The following KDM3A variants were observed in gnomAD, a reference collection of about 807,000 sequenced individuals.
KDM3A encodes lysine demethylase 3A, also known as lysine-specific demethylase 3A.
A neutral mutation model predicts 158.0 loss-of-function variants in KDM3A; 60 were observed. That is an observed-to-expected ratio of 0.38 (90% CI 0.31 to 0.47). KDM3A has a LOEUF of 0.47. KDM3A is among the 20% of genes least tolerant of loss of function. The pLI is 0.99. For synonymous variants in KDM3A, 608 were observed against 549.3 expected (o/e 1.11, Z -1.49); for missense variants, 1,319 against 1,574.3 (o/e 0.84, Z 2.74).
intron 23 of KDM3A, chr2:86,490,570 T>C (rs986789183): frequency 2.0e-5 from 4 of 198,486 alleles, no homozygotes; most frequent in Admixed American, 5.5e-5. Flanking sequence ...AACAAGTTCA[T>C]TTATAAGGAT....
chr2:86,470,507 A>G (rs1573182761), intron 11 of KDM3A, 99 bp downstream of exon 11: 6 of 977,882 alleles, frequency 6.1e-6, no homozygotes. Flanking sequence ...GTAAATCTAG[A>G]AGTAAAAAGG....
chr2:86,454,394 G>T (rs1672600221), intron 4 of KDM3A, among the ~76,000 whole-genome samples: 1 of 152,040 alleles, frequency 6.6e-6, no homozygotes, highest in African/African-American at 2.4e-5. Flanking sequence ...TTACTAATGG[G>T]AATATGGAAA....
At chr2:86,437,860 T>G (rs567308646), upstream of KDM3A, among the ~76,000 whole-genome samples, 3 of 152,306 alleles carry the variant, frequency 2.0e-5, 1 homozygote, top group Middle Eastern at 6.8e-3. Flanking sequence ...TTTTATTGCA[T>G]TATCTTTTTG....
rs1673333410 is a variant in KDM3A at position 86,470,143 on chromosome 2, A to G, written c.1520-61A>G. 6.0e-6 allele frequency: 8 copies of G among 1,337,866 alleles called. 1 individual carries two copies. In the South Asian group the frequency reaches 9.4e-5, roughly 16 times the overall value. 82.9% of individuals were successfully genotyped at this position (1,337,866 alleles called of 1,614,324 possible). A position where few individuals can be genotyped will look rare whatever the true frequency, so the allele number is the denominator to read the frequency against. ...TTGGGTTTTTGAATAGAATTCAGTC[A>G]TATATGAATGTGATTTTTAAAAATT... On this transcript the variant is annotated intron_variant, in intron 10 of 25. Transcript: ENST00000312912.
intron 8 of KDM3A, among the ~76,000 whole-genome samples, chr2:86,457,570 T>C (rs1401950941): frequency 6.6e-6 from 1 of 152,188 alleles, no homozygotes; most frequent in Non-Finnish European, 1.5e-5. Context: ...TGTAAAAAAG[T>C]TTCATTTTTT....
At chr2:86,488,426 C>T (rs1674293421) in intron 21 of KDM3A, 1 of 152,144 alleles carries the variant, frequency 6.6e-6, no homozygotes, top group Non-Finnish European at 1.5e-5. Context: ...ATACCAAACG[C>T]TTTACCTACT....
intron 9 of KDM3A, among the ~76,000 whole-genome samples, chr2:86,465,993 A>G (rs1673129117): frequency 6.6e-6 from 1 of 151,466 alleles, no homozygotes; most frequent in South Asian, 2.1e-4. Context: ...CCCTACACAG[A>G]CTTCTGGTTT....
chr2:86,480,908 T>C (rs1022727523), intron 16 of KDM3A, among the ~76,000 whole-genome samples: 3 of 152,262 alleles, frequency 2.0e-5, no homozygotes, highest in African/African-American at 7.2e-5. Context: ...GATGTAATTC[T>C]GTGATGCCCA....
At chr2:86,445,047 G>A (rs1317564516) in intron 2 of KDM3A, among the ~76,000 whole-genome samples, 1 of 152,008 alleles carries the variant, frequency 6.6e-6, no homozygotes, top group African/African-American at 2.4e-5. Context: ...TACATTTTTA[G>A]TGTCAAAAAC....
At chr2:86,462,616 T>G (rs924665650) in intron 8 of KDM3A, among the ~76,000 whole-genome samples, 3 of 152,178 alleles carry the variant, frequency 2.0e-5, no homozygotes, top group Admixed American at 1.3e-4. Flanking sequence ...GTGTAATATA[T>G]GATCAGATAA....
At chr2:86,456,047 T>A (rs1160021996) in intron 5 of KDM3A, among the ~76,000 whole-genome samples, 1 of 152,032 alleles carries the variant, frequency 6.6e-6, no homozygotes, top group Non-Finnish European at 1.5e-5. Context: ...ATATCAGCCA[T>A]ATAAAATGGA....
rs758070952 is a variant in KDM3A at position 86,470,301 on chromosome 2, C to T, written c.1617C>T (p.Ile539=). The change falls in exon 11 of 26, where the codon ATC becomes ATT. Residue 539 remains isoleucine, a synonymous_variant. Coordinates refer to ENST00000312912, the MANE Select transcript of KDM3A (RefSeq NM_018433.6). ...AFVQDDSCVN[I]VAQLPKCREC... ...TACAGGATGATTCTTGTGTGAACAT[C>T]GTGGCACAGTTGCCTAAATGCCGAG... 5.6e-6 allele frequency: 9 copies of T among 1,613,998 alleles called. No homozygotes were observed. The highest frequency in any genetic ancestry group is 7.6e-6 in the Non-Finnish European group (9 of 1,179,994).
In KDM3A at chr2:86,485,030, G is replaced by GT. The variant is rs1299814925; in HGVS notation, c.3182+2dup. 6.6e-7 allele frequency: 1 copy of GT among 1,526,490 alleles called. No individual in the cohort carries two copies. Among genetic ancestry groups the GT allele is most frequent in the Admixed American group, 1.7e-5 (1 of 59,874 alleles). 94.6% of individuals were successfully genotyped at this position (1,526,490 alleles called of 1,614,324 possible). A position where few individuals can be genotyped will look rare whatever the true frequency, so the allele number is the denominator to read the frequency against. On this transcript the variant is annotated splice_donor_variant, in intron 20 of 25. Coordinates refer to ENST00000312912, the MANE Select transcript of KDM3A (RefSeq NM_018433.6). LOFTEE classifies it high-confidence loss of function. Reference sequence around the variant, plus strand: ...ATTTTAGAGATATGATGCCTTCCAGGTATGATTATGAAGGTGGGGAGAGAT... The same window carrying GT: ...ATTTTAGAGATATGATGCCTTCCAGGTTATGATTATGAAGGTGGGGAGAGAT...
rs61750310 is a variant in KDM3A, at chr2:86,491,237, C to T, written c.3847C>T (p.Leu1283=). The change falls in exon 25 of 26, where the codon CTG becomes TTG. Residue 1283 remains leucine (L), a synonymous_variant. Coordinates refer to ENST00000312912, the MANE Select transcript of KDM3A (RefSeq NM_018433.6). Reference sequence around the variant, plus strand: ...CTGGCTTACTCAGGAATTCCGATATCTGTCACAGACTCATACCAATCACGA... The same window carrying T: ...CTGGCTTACTCAGGAATTCCGATATTTGTCACAGACTCATACCAATCACGA... ...CFWLTQEFRY[L]SQTHTNHEDK... 2.2e-3 allele frequency: 3,629 copies of T among 1,613,764 alleles called. 7 individuals are homozygous for T. Among genetic ancestry groups the T allele is most frequent in the Non-Finnish European group, 2.9e-3 (3,392 of 1,179,712 alleles).
At chr2:86,444,910 CATA>C (rs2104619992) in intron 2 of KDM3A, among the ~76,000 whole-genome samples, 1 of 152,166 alleles carries the variant, frequency 6.6e-6, no homozygotes, top group African/African-American at 2.4e-5. Context: ...AAGGTGAAGA[CATA>C]ATAACAGTGG....
chr2:86,442,348 T>A, intron 2 of KDM3A, 115 bp downstream of exon 2: 2 of 976,924 alleles, frequency 2.0e-6, no homozygotes, highest in Non-Finnish European at 1.5e-6. Flanking sequence ...TGGCATATGA[T>A]CTGAAGGTGC....
At position 86,474,839 on chromosome 2, in the gene KDM3A, C is replaced by T. The variant is rs759247045; in HGVS notation, c.1788C>T (p.Asp596=). The T allele has an allele frequency of 1.2e-6, 2 of 1,612,910 alleles. No homozygotes were observed. Among genetic ancestry groups the T allele is most frequent in the Non-Finnish European group, 1.7e-6 (2 of 1,179,754 alleles). Residue 596 remains aspartate, a synonymous_variant, in exon 12 of 26, where the codon GAC becomes GAT. Coordinates refer to ENST00000312912, the MANE Select transcript of KDM3A (RefSeq NM_018433.6). ...VEGFLTPNKY[D]NEAIGLWLPL... is the part of the protein sequence containing the mutation. ...GCTTCTTAACACCAAACAAGTATGACAATGAAGCAATTGGCTTGTGGTTAC... is the reference window on the plus strand; with the variant it reads ...GCTTCTTAACACCAAACAAGTATGATAATGAAGCAATTGGCTTGTGGTTAC...
upstream of KDM3A, among the ~76,000 whole-genome samples, chr2:86,438,437 GA>G: frequency 6.6e-6 from 1 of 152,002 alleles, no homozygotes; most frequent in South Asian, 2.1e-4. Context: ...ACATCATGGT[GA>G]CTACAGTTAA....
chr2:86,482,392 G>A (rs780462663), intron 17 of KDM3A, 66 bp from the exon 18 acceptor site: 17 of 1,576,942 alleles, frequency 1.1e-5, no homozygotes, highest in Non-Finnish European at 1.4e-5. Flanking sequence ...TACTCATTAT[G>A]GGAATGGAGT....
Sources: allele counts gnomAD v4.1 joint callset (sites outside exome capture counted in the v4.1 genomes callset), GRCh38; gene constraint gnomAD v4.1.1; transcripts MANE v1.5; gene names NCBI Gene and HGNC (gene_info 2026-07-23, HGNC 2026-07-21).